The following CTNNA3 variants were observed in gnomAD, a reference collection of about 807,000 sequenced individuals.
CTNNA3 encodes the protein catenin alpha 3.
In CTNNA3, 76 loss-of-function variants were observed where a neutral mutation model predicts 95.7. That is an observed-to-expected ratio of 0.79 (90% confidence interval 0.66 to 0.96). The LOEUF (loss-of-function observed/expected upper bound fraction) is 0.96. CTNNA3 is among the 40% of genes least tolerant of loss of function. The pLI, the probability that CTNNA3 is intolerant of heterozygous loss-of-function variation, is 0.00. For missense variants in CTNNA3, 1,191 were observed against 1,089.8 expected, an observed-to-expected ratio of 1.09 and a Z score of -1.31; for synonymous variants, 431 against 374.4, an observed-to-expected ratio of 1.15 and a Z score of -1.74.
At position 66,586,793 on chromosome 10, in the gene CTNNA3, T is replaced by A. The variant is rs116750792; in HGVS notation, c.1374+34899A>T. Among the ~76,000 whole-genome samples, 561 of 152,236 alleles carry A rather than the reference T, an allele frequency of 3.7e-3. 3 individuals carry two copies. The highest frequency in any genetic ancestry group is 0.013 in the African/African-American group (528 of 41,552). ...GAGCCCAGCACTGCACTTGTGTCTC[T>A]CCCGAAAGAAACTTCTCACAAGTGG... On this transcript the variant is annotated intron_variant, in intron 10 of 17. Transcript: ENST00000433211.
At chr10:67,743,629 A>G (rs1011985257) in intron 1 of CTNNA3, among the ~76,000 whole-genome samples, 2 of 151,336 alleles carry the variant, frequency 1.3e-5, no homozygotes, top group Admixed American at 1.3e-4. Context: ...CCTATTCAAC[A>G]TAGTGTTGAA....
chr10:67,658,641 C>A (rs537179609), intron 1 of CTNNA3, among the ~76,000 whole-genome samples: 3 of 152,138 alleles, frequency 2.0e-5, no homozygotes, highest in Non-Finnish European at 4.4e-5. Context: ...ATTCCTAATG[C>A]ACAACAGCCT....
At chr10:66,469,218 A>G (rs1020576658) in intron 11 of CTNNA3, among the ~76,000 whole-genome samples, 1 of 151,970 alleles carries the variant, frequency 6.6e-6, no homozygotes, top group Non-Finnish European at 1.5e-5. Flanking sequence ...TAACACAAAC[A>G]TATGTTTGAA....
At chr10:66,609,940 T>G (rs1769046961) in intron 10 of CTNNA3, among the ~76,000 whole-genome samples, 1 of 152,144 alleles carries the variant, frequency 6.6e-6, no homozygotes, top group Non-Finnish European at 1.5e-5. Flanking sequence ...TGAGATCATG[T>G]CCTTTGCAGT....
chr10:66,042,899 CAAAAAAAAA>C (rs60090636), intron 15 of CTNNA3, among the ~76,000 whole-genome samples: 11 of 50,416 alleles, frequency 2.2e-4, no homozygotes, highest in African/African-American at 6.1e-4. Context: ...GACTCTGTCT[CAAAAAAAAA>C]AAAAAAAAAA....
rs116029382 is a variant in CTNNA3 at position 67,486,724 on chromosome 10, G to C, written c.579+35118C>G. Among the ~76,000 whole-genome samples the C allele has an allele frequency of 3.6e-3, 553 of 152,222 alleles. 8 individuals are homozygous for C. Among genetic ancestry groups the C allele is most frequent in the African/African-American group, 0.013 (530 of 41,548 alleles). ...CAAGCATATTTATGCCTGAATAAGAGCTTTGTCCTCTGATTTTGTTCTACA... is the reference window on the plus strand; with the variant it reads ...CAAGCATATTTATGCCTGAATAAGACCTTTGTCCTCTGATTTTGTTCTACA... On this transcript the variant is annotated intron_variant, in intron 5 of 17. Coordinates refer to ENST00000433211, the MANE Select transcript of CTNNA3 (RefSeq NM_013266.4).
chr10:66,233,014 G>T (rs911983307), intron 13 of CTNNA3, among the ~76,000 whole-genome samples: 5 of 151,734 alleles, frequency 3.3e-5, no homozygotes, highest in African/African-American at 1.2e-4. Flanking sequence ...ACAAAAATTA[G>T]CCGGGCGTGG....
intron 13 of CTNNA3, among the ~76,000 whole-genome samples, chr10:66,276,935 T>G (rs1021763523): frequency 2.6e-5 from 4 of 152,082 alleles, no homozygotes; most frequent in Non-Finnish European, 5.9e-5. Flanking sequence ...TAAGTAAGAT[T>G]TGTTTCTTGC....
chr10:67,635,590 G>A (rs1032659659), intron 2 of CTNNA3, among the ~76,000 whole-genome samples: 1 of 152,036 alleles, frequency 6.6e-6, no homozygotes, highest in Non-Finnish European at 1.5e-5. Context: ...CTCAATAGAC[G>A]TAGAAAAGGA....
In CTNNA3 at chr10:66,651,643, G is replaced by A. The variant is rs879858786; in HGVS notation, c.1282-29859C>T. Reference sequence around the variant, plus strand: ...CGGCTGAGGCCCTGAGAGAATTCCAGCGCAGTGCCCGCCGGCCGGCACTGC... The same window carrying A: ...CGGCTGAGGCCCTGAGAGAATTCCAACGCAGTGCCCGCCGGCCGGCACTGC... On this transcript the variant is annotated intron_variant, in intron 9 of 17. Coordinates refer to ENST00000433211, the MANE Select transcript of CTNNA3 (RefSeq NM_013266.4). 4.1e-3 allele frequency among the ~76,000 whole-genome samples: 366 copies of A among 88,298 alleles called. 4 individuals are homozygous for A. The highest frequency in any genetic ancestry group is 7.6e-3 in the Admixed American group (69 of 9,064). The allele number at this position is 88,298 out of a possible 152,430, so 57.9% of individuals were successfully genotyped here.
In CTNNA3 at chr10:67,209,941, C is replaced by T. The variant is rs915665834; in HGVS notation, c.843+9666G>A. Among the ~76,000 whole-genome samples the T allele has an allele frequency of 2.6e-5, 4 of 151,822 alleles. No individual in the cohort carries two copies. In the South Asian group the frequency reaches 8.3e-4, roughly 32 times the overall value. On this transcript the variant is annotated intron_variant, in intron 6 of 17. Coordinates refer to ENST00000433211, the MANE Select transcript of CTNNA3 (RefSeq NM_013266.4). ...CAGAAAAAGAGAGACTAAAAATTAA[C>T]TCAATAAATATATTCAAGATATTAT...
intron 9 of CTNNA3, among the ~76,000 whole-genome samples, chr10:66,650,860 G>T (rs529935615): frequency 6.6e-6 from 1 of 152,262 alleles, no homozygotes; most frequent in East Asian, 1.9e-4. Context: ...AGGCGGTGCA[G>T]ACCCAAAGCA....
rs919742542 is a variant in CTNNA3, at chr10:67,563,220, C to T, written c.293-23551G>A. ...CAAAAGAACAAAGCTGGAGGCATCA[C>T]ACTACCTGACTTCAAACTATACTAC... On this transcript the variant is annotated intron_variant, in intron 3 of 17. Coordinates refer to ENST00000433211, the MANE Select transcript of CTNNA3 (RefSeq NM_013266.4). Among the ~76,000 whole-genome samples, 9 of 151,922 alleles carry T rather than the reference C, an allele frequency of 5.9e-5. No individual in the cohort carries two copies. The South Asian group carries it at 1.5e-3, about 25-fold the overall frequency.
intron 11 of CTNNA3, among the ~76,000 whole-genome samples, chr10:66,450,695 A>T (rs2093457843): frequency 6.6e-6 from 1 of 152,102 alleles, no homozygotes; most frequent in African/African-American, 2.4e-5. Flanking sequence ...AAATTGTGCT[A>T]AACTTTAGAC....
intron 7 of CTNNA3, among the ~76,000 whole-genome samples, chr10:66,938,563 G>A (rs1026654328): frequency 9.2e-5 from 14 of 152,158 alleles, no homozygotes; most frequent in African/African-American, 3.4e-4. Context: ...CTGAGGAGGA[G>A]ATAGAGAAGC....
chr10:66,743,831 C>T (rs1053655500), intron 9 of CTNNA3, among the ~76,000 whole-genome samples: 3 of 151,876 alleles, frequency 2.0e-5, no homozygotes, highest in African/African-American at 7.3e-5. Flanking sequence ...CAAAAATTAG[C>T]TGGGCACAGT....
chr10:66,229,143 T>A (rs1248016388), intron 13 of CTNNA3, among the ~76,000 whole-genome samples: 1 of 152,194 alleles, frequency 6.6e-6, no homozygotes, highest in Non-Finnish European at 1.5e-5. Flanking sequence ...AAAGATTTTA[T>A]TGAATGTTGA....
chr10:67,383,233 C>T (rs1324197115), intron 5 of CTNNA3, among the ~76,000 whole-genome samples: 3 of 152,018 alleles, frequency 2.0e-5, no homozygotes, highest in Non-Finnish European at 4.4e-5. Context: ...AATTTCTAAA[C>T]AGGAAGTATA....
intron 17 of CTNNA3, among the ~76,000 whole-genome samples, chr10:65,943,415 C>T (rs2133183974): frequency 6.6e-6 from 1 of 152,270 alleles, no homozygotes; most frequent in Non-Finnish European, 1.5e-5. Flanking sequence ...CACAACTGTA[C>T]ATATAACCTC....
Sources: allele counts gnomAD v4.1 joint callset (sites outside exome capture counted in the v4.1 genomes callset), GRCh38; gene constraint gnomAD v4.1.1; transcripts MANE v1.5; gene names NCBI Gene and HGNC (gene_info 2026-07-23, HGNC 2026-07-21).